HPSE2: variants seen among roughly 807,000 people sequenced by gnomAD.
HPSE2 encodes the protein inactive heparanase-2.
A neutral mutation model predicts 60.5 loss-of-function variants in HPSE2; 38 were observed. The ratio of observed to expected loss-of-function variants is 0.63; its 90% CI spans 0.48 to 0.82. The LOEUF is 0.82. Among genes scored for constraint, HPSE2 ranks in the 40% least tolerant of loss-of-function variants. HPSE2 has a pLI of 0.00. For missense variants in HPSE2, 713 were observed against 740.4 expected, an observed-to-expected ratio of 0.96 and a Z score of 0.43; for synonymous variants, 295 against 293.2, an observed-to-expected ratio of 1.01 and a Z score of -0.06.
intron 2 of HPSE2, among the ~76,000 whole-genome samples, chr10:99,189,603 A>C (rs1848149587): frequency 6.6e-6 from 1 of 152,196 alleles, no homozygotes; most frequent in Non-Finnish European, 1.5e-5. Flanking sequence ...CTGTAGCTTA[A>C]CCCTAAATTA....
In HPSE2 at chr10:98,743,947, A is replaced by G; in HGVS notation, c.720T>C (p.Ser240=). The change falls in exon 4 of 12, where the codon AGT becomes AGC. Residue 240 remains serine, a synonymous_variant. Coordinates refer to ENST00000370552, the MANE Select transcript of HPSE2 (RefSeq NM_021828.5). ...RNPNNSWNSS[S]ALSLLKYSAS... is the part of the protein sequence containing the mutation. Reference sequence around the variant, plus strand: ...CGCTGTACTTCAACAGACTCAGGGCACTAGAACTGTTCCAGGAGTTATTGG... The same window carrying G: ...CGCTGTACTTCAACAGACTCAGGGCGCTAGAACTGTTCCAGGAGTTATTGG... 6.2e-7 allele frequency: 1 copy of G among 1,614,114 alleles called. No individual in the cohort carries two copies. Among genetic ancestry groups the G allele is most frequent in the Non-Finnish European group, 8.5e-7 (1 of 1,179,950 alleles).
intron 3 of HPSE2, among the ~76,000 whole-genome samples, chr10:98,764,684 T>C (rs1950080498): frequency 6.6e-6 from 1 of 151,952 alleles, no homozygotes; most frequent in South Asian, 2.1e-4. Flanking sequence ...TGAAACCCTG[T>C]CTTCTACTAA....
At chr10:99,074,130 T>C (rs1842886541) in intron 3 of HPSE2, among the ~76,000 whole-genome samples, 2 of 152,184 alleles carry the variant, frequency 1.3e-5, no homozygotes, top group Non-Finnish European at 2.9e-5. Context: ...TTATGCCTTG[T>C]TCCCAATCCT....
chr10:98,628,777 G>C (rs1432447688), intron 7 of HPSE2, among the ~76,000 whole-genome samples: 1 of 152,062 alleles, frequency 6.6e-6, no homozygotes, highest in East Asian at 1.9e-4. Flanking sequence ...TCATATTTCA[G>C]GGCTGGGGAC....
rs1179986672 is a variant in HPSE2, at chr10:99,164,651, C to T, written c.449-20252G>A. The stretch of plus-strand genomic sequence containing the variant: ...GTATATAGGCTTACTAACTGATGTA[C>T]ACATATAATATCTATATTTATTTCA... On this transcript the variant is annotated intron_variant, in intron 2 of 11. Transcript: ENST00000370552. Among the ~76,000 whole-genome samples the T allele has an allele frequency of 2.0e-5, 3 of 152,146 alleles. No individual in the cohort carries two copies. The South Asian group carries it at 6.2e-4, about 32-fold the overall frequency.
chr10:98,578,190 T>C (rs1944693508), intron 9 of HPSE2, among the ~76,000 whole-genome samples: 1 of 152,200 alleles, frequency 6.6e-6, no homozygotes, highest in South Asian at 2.1e-4. Flanking sequence ...CAAAACCTCC[T>C]AAGAATTTTT....
intron 3 of HPSE2, among the ~76,000 whole-genome samples, chr10:98,968,568 C>T (rs1955872424): frequency 6.6e-6 from 1 of 152,074 alleles, no homozygotes; most frequent in Admixed American, 6.6e-5. Flanking sequence ...TATAGCAGCA[C>T]ACAATTGCAA....
chr10:99,139,837 A>T (rs1236034198), intron 3 of HPSE2, among the ~76,000 whole-genome samples: 1 of 152,218 alleles, frequency 6.6e-6, no homozygotes, highest in Non-Finnish European at 1.5e-5. Context: ...TTTGTGTATC[A>T]ATATCAACCC....
the HPSE2 span, among the ~76,000 whole-genome samples, chr10:99,256,457 C>T: frequency 2.3e-4 from 34 of 148,070 alleles, no homozygotes; most frequent in South Asian, 4.5e-4. Context: ...CCCAGCGTCT[C>T]GAACCTTGAG....
At chr10:98,764,922 G>A (rs1950087833) in intron 3 of HPSE2, among the ~76,000 whole-genome samples, 1 of 151,922 alleles carries the variant, frequency 6.6e-6, no homozygotes, top group South Asian at 2.1e-4. Flanking sequence ...CTTGGAGAAA[G>A]GAAACTTAGG....
chr10:99,186,631 A>G lies in HPSE2; in HGVS notation c.449-42232T>C, dbSNP rs1848040971. 2.0e-5 allele frequency among the ~76,000 whole-genome samples: 3 copies of G among 150,870 alleles called. No homozygotes were observed. In the South Asian group the frequency reaches 6.3e-4, roughly 32 times the overall value. ...GAAGAAAATGGACTGACATCTTTAA[A>G]GTGCTGGAAGAAAAAAATGTTAACT... On this transcript the variant is annotated intron_variant, in intron 2 of 11. Transcript: ENST00000370552.
rs563858453 is a variant in HPSE2 at position 98,599,044 on chromosome 10, A to C, written c.1320+15860T>G. On this transcript the variant is annotated intron_variant, in intron 9 of 11. Coordinates refer to ENST00000370552, the MANE Select transcript of HPSE2 (RefSeq NM_021828.5). ...AGAGGTGGTCCTGAAGCCTGGGTCC[A>C]CGGGGACTGGTCCAACCAGCACTGG... 1.6e-4 allele frequency among the ~76,000 whole-genome samples: 25 copies of C among 152,170 alleles called. No individual in the cohort carries two copies. In the East Asian group the frequency reaches 4.5e-3, roughly 27 times the overall value.
chr10:99,100,368 G>A (rs529680455), intron 3 of HPSE2, among the ~76,000 whole-genome samples: 10 of 152,238 alleles, frequency 6.6e-5, no homozygotes, highest in South Asian at 2.1e-4. Flanking sequence ...TACCCAACTC[G>A]ATCAACTGGA....
At chr10:99,242,675 A>C in the HPSE2 span, among the ~76,000 whole-genome samples, 1 of 152,232 alleles carries the variant, frequency 6.6e-6, no homozygotes, top group Non-Finnish European at 1.5e-5. Context: ...TATTGAAAAA[A>C]GTGTGGACTT....
intron 6 of HPSE2, among the ~76,000 whole-genome samples, chr10:98,670,418 G>A (rs1273485091): frequency 6.6e-6 from 1 of 152,130 alleles, no homozygotes; most frequent in Non-Finnish European, 1.5e-5. Flanking sequence ...GACCAGAAGT[G>A]TTTCAGGTTT....
intron 6 of HPSE2, among the ~76,000 whole-genome samples, chr10:98,692,017 T>G (rs1250303365): frequency 6.6e-6 from 1 of 152,004 alleles, no homozygotes; most frequent in Non-Finnish European, 1.5e-5. Context: ...AACAAACAAA[T>G]TACAAAAACA....
intron 3 of HPSE2, among the ~76,000 whole-genome samples, chr10:98,891,597 G>A (rs969637436): frequency 3.3e-5 from 5 of 151,820 alleles, no homozygotes; most frequent in Admixed American, 2.6e-4. Context: ...TATTAGGCAT[G>A]TACCACCATG....
intron 3 of HPSE2, among the ~76,000 whole-genome samples, chr10:99,017,991 A>C (rs1479446315): frequency 6.6e-6 from 1 of 152,160 alleles, no homozygotes; most frequent in Admixed American, 6.5e-5. Flanking sequence ...AATAATAAAG[A>C]GGAAAAGTAA....
upstream of HPSE2, among the ~76,000 whole-genome samples, chr10:99,239,834 A>C (rs12412752): frequency 0.51 from 78,126 of 151,936 alleles, 23,236 homozygotes; most frequent in East Asian, 0.65. Context: ...ACATCTGAAC[A>C]AAAGCTAAAA....
Sources: allele counts gnomAD v4.1 joint callset (sites outside exome capture counted in the v4.1 genomes callset), GRCh38; gene constraint gnomAD v4.1.1; transcripts MANE v1.5; gene names NCBI Gene and HGNC (gene_info 2026-07-23, HGNC 2026-07-21).